The following ATMIN variants were observed in gnomAD, a reference collection of about 807,000 sequenced individuals.
ATMIN encodes ATM INteracting protein.
Under a neutral mutation model 49.2 loss-of-function variants are expected in ATMIN, and 24 were observed. The ratio of observed to expected loss-of-function variants is 0.49; its 90% CI spans 0.35 to 0.69. ATMIN has a LOEUF of 0.69. Among genes scored for constraint, ATMIN ranks in the 30% least tolerant of loss-of-function variants. ATMIN has a pLI of 0.00. For missense variants in ATMIN, 1,037 were observed against 1,005.5 expected (o/e 1.03, Z -0.42); for synonymous variants, 450 against 392.5 (o/e 1.15, Z -1.73).
At chr16:81,036,330 A>ACCGGCCTCTGCCCTCC (rs1970932389) in intron 1 of ATMIN, 124 bp downstream of exon 1, 1 of 936,630 alleles carries the variant, frequency 1.1e-6, no homozygotes, top group Admixed American at 5.5e-5. Flanking sequence ...CCGCTGCCCC[A>ACCGGCCTCTGCCCTCC]CCGGCCTCTG....
intron 1 of ATMIN, 91 bp downstream of exon 1, chr16:81,036,297 GA>G: frequency 1.8e-6 from 2 of 1,083,292 alleles, no homozygotes; most frequent in South Asian, 4.3e-5. Flanking sequence ...TCGGGGGGAC[GA>G]GCGCCCTGCG....
intron 1 of ATMIN, 57 bp downstream of exon 1, chr16:81,036,263 C>A (rs1442417212): frequency 8.5e-7 from 1 of 1,174,206 alleles, no homozygotes; most frequent in Non-Finnish European, 1.0e-6. Flanking sequence ...ACAAAGCGCC[C>A]GGCGCCGGCG....
Position 81,044,401 on chromosome 16 carries a change from G to A in ATMIN, c.1903G>A (p.Asp635Asn), listed in dbSNP as rs776115480. The A allele has an allele frequency of 1.4e-5, 22 of 1,613,920 alleles. No individual in the cohort carries two copies. The highest frequency in any genetic ancestry group is 3.3e-5 in the Admixed American group (2 of 59,986). The change falls in exon 4 of 4, where the codon GAT (aspartate) becomes AAT (asparagine). Residue 635 changes from aspartate (D) to asparagine (N), a missense_variant. By Grantham distance (23) the Asp-to-Asn change is conservative. Coordinates refer to ENST00000299575, the MANE Select transcript of ATMIN (RefSeq NM_015251.3). ...PSGPAQNPGI[D>N]FDIEEFFSAS... ...TGGCCCAGCCCAGAACCCCGGAATCGATTTTGATATCGAAGAGTTCTTTTC... is the reference window on the plus strand; with the variant it reads ...TGGCCCAGCCCAGAACCCCGGAATCAATTTTGATATCGAAGAGTTCTTTTC...
At position 81,044,711 on chromosome 16, in the gene ATMIN, C is replaced by A. The variant is rs1971090801; in HGVS notation, c.2213C>A (p.Thr738Lys). The A allele has an allele frequency of 6.2e-7, 1 of 1,614,198 alleles. No individual in the cohort carries two copies. Among genetic ancestry groups the A allele is most frequent in the African/African-American group, 1.3e-5 (1 of 75,048 alleles). Residue 738 changes from threonine (T) to lysine (K), a missense_variant, in exon 4 of 4, where the codon ACA becomes AAA. Thr to Lys is a moderately conservative substitution (Grantham distance 78). Coordinates refer to ENST00000299575, the MANE Select transcript of ATMIN (RefSeq NM_015251.3). ...SFSVSTDSSD[T>K]ETQTEGVSTA... ...TCCGTGAGTACTGATTCATCTGACA[C>A]AGAGACCCAAACTGAAGGAGTCTCC...
chr16:81,041,766 C>T (rs567163169), intron 2 of ATMIN: 142 of 281,504 alleles, frequency 5.0e-4, no homozygotes, highest in Admixed American at 7.6e-4. Flanking sequence ...CTGTGTGAGT[C>T]TGCATACCTC....
intron 3 of ATMIN, 116 bp downstream of exon 3, chr16:81,042,596 C>T (rs978186667): frequency 1.3e-5 from 14 of 1,104,216 alleles, no homozygotes; most frequent in East Asian, 7.8e-5. Flanking sequence ...AAATGTGTGA[C>T]GTGGAAGAAG....
chr16:81,039,781 T>G (rs950453414), intron 1 of ATMIN, among the ~76,000 whole-genome samples: 4 of 152,148 alleles, frequency 2.6e-5, no homozygotes, highest in Non-Finnish European at 5.9e-5. Flanking sequence ...GCTTAGAGGA[T>G]TTTGTGTTAT....
chr16:81,041,813 C>G (rs970925047), intron 2 of ATMIN: 1 of 225,060 alleles, frequency 4.4e-6, no homozygotes, highest in African/African-American at 2.3e-5. Context: ...GAACTGTTCT[C>G]CCAGGGGAAT....
chr16:81,043,544 G>T lies in ATMIN; in HGVS notation c.1046G>T (p.Gly349Val), dbSNP rs748750629. Residue 349 changes from glycine to valine, a missense_variant, in exon 4 of 4, where the codon GGA becomes GTA. By Grantham distance (109) the Gly-to-Val change is moderately radical. Coordinates refer to ENST00000299575, the MANE Select transcript of ATMIN (RefSeq NM_015251.3). Reference protein sequence around the residue: ...GAVHLMPLSVGTLILGLDSEA... With the variant: ...GAVHLMPLSVVTLILGLDSEA... Reference sequence around the variant, plus strand: ...GTGCACTTAATGCCCTTGTCAGTAGGAACCCTGATCCTCGGCCTAGATTCA... The same window carrying T: ...GTGCACTTAATGCCCTTGTCAGTAGTAACCCTGATCCTCGGCCTAGATTCA... 1 of 1,614,070 alleles carries T rather than the reference G, an allele frequency of 6.2e-7. No individual in the cohort carries two copies. Among genetic ancestry groups the T allele is most frequent in the Non-Finnish European group, 8.5e-7 (1 of 1,180,038 alleles).
At chr16:81,041,202 C>T in intron 1 of ATMIN, 154 bp from the exon 2 acceptor site, 1 of 766,492 alleles carries the variant, frequency 1.3e-6, no homozygotes, top group Non-Finnish European at 2.1e-6. Context: ...TTAATCTACT[C>T]ATACTCTTTT....
chr16:81,043,238 T>C lies in ATMIN; in HGVS notation c.740T>C (p.Leu247Ser), dbSNP rs771169915. The C allele has an allele frequency of 4.3e-6, 7 of 1,613,966 alleles. No homozygotes were observed. In the East Asian group the frequency reaches 1.6e-4, roughly 36 times the overall value. ...QKLSNKTIES[L>S]NNQPIPRPDT... Reference sequence around the variant, plus strand: ...TTATCCAACAAGACCATTGAATCATTGAACAACCAACCAATCCCTAGACCA... The same window carrying C: ...TTATCCAACAAGACCATTGAATCATCGAACAACCAACCAATCCCTAGACCA... Residue 247 changes from leucine (L) to serine (S), a missense_variant, in exon 4 of 4, where the codon TTG (leucine) becomes TCG (serine). By Grantham distance (145) the Leu-to-Ser change is moderately radical (BLOSUM62 -2). Transcript: ENST00000299575.
intron 1 of ATMIN, chr16:81,037,493 G>C (rs902488729): frequency 1.0e-6 from 1 of 985,336 alleles, no homozygotes; most frequent in Non-Finnish European, 1.2e-6. Flanking sequence ...GAGGAAGACC[G>C]TGCAGGTGGG....
In ATMIN at chr16:81,035,936, C is replaced by T. The variant is rs2151734797; in HGVS notation, c.66C>T (p.Val22=). The change falls in exon 1 of 4, where the codon GTC becomes GTT. Residue 22 remains valine (V), a synonymous_variant. Coordinates refer to ENST00000299575, the MANE Select transcript of ATMIN (RefSeq NM_015251.3). ...SAALAAGARA[V]PAATTGAAAA... ...CTCTGGCGGCGGGTGCCCGGGCCGT[C>T]CCGGCGGCCACGACAGGAGCCGCCG... is the stretch of plus-strand genomic sequence containing the variant. 1 of 998,442 alleles carries T rather than the reference C, an allele frequency of 1.0e-6. No individual in the cohort carries two copies. The highest frequency in any genetic ancestry group is 1.2e-6 in the Non-Finnish European group (1 of 839,968). 61.8% of individuals were successfully genotyped at this position (998,442 alleles called of 1,614,324 possible). A position where few individuals can be genotyped will look rare whatever the true frequency, so the allele number is the denominator to read the frequency against.
intron 1 of ATMIN, 54 bp from the exon 2 acceptor site, chr16:81,041,302 G>C (rs1260522546): frequency 1.3e-6 from 2 of 1,559,134 alleles, no homozygotes; most frequent in Non-Finnish European, 8.7e-7. Flanking sequence ...TTCCACTCCA[G>C]CCTGTTGTGT....
chr16:81,044,920 T>C lies in ATMIN; in HGVS notation c.2422T>C (p.Ser808Pro). 2 of 1,614,044 alleles carry C rather than the reference T, an allele frequency of 1.2e-6. No homozygotes were observed. Among genetic ancestry groups the C allele is most frequent in the Non-Finnish European group, 1.7e-6 (2 of 1,179,922 alleles). The change falls in exon 4 of 4, where the codon TCT (serine) becomes CCT (proline). Residue 808 changes from serine (S) to proline (P), a missense_variant. By Grantham distance (74) the Ser-to-Pro change is moderately conservative. Transcript: ENST00000299575. ...GAACACGATGGAGTCTCAGTTCAGCTCTGTAGAAACCCAGACTTCTGCGGA... is the reference window on the plus strand; with the variant it reads ...GAACACGATGGAGTCTCAGTTCAGCCCTGTAGAAACCCAGACTTCTGCGGA... ...AWNTMESQFS[S>P]VETQTSAEPH...
intron 1 of ATMIN, among the ~76,000 whole-genome samples, chr16:81,040,217 C>G (rs1381162466): frequency 6.6e-6 from 1 of 152,178 alleles, no homozygotes; most frequent in East Asian, 1.9e-4. Context: ...CACTTTCTCA[C>G]TGCACTTCCA....
At position 81,044,521 on chromosome 16, in the gene ATMIN, G is replaced by A; in HGVS notation, c.2023G>A (p.Asp675Asn). ...LESLDIETQT[D>N]FLLADTSAQS... is the part of the protein sequence containing the mutation. ...GTCACTGGACATAGAGACTCAAACG[G>A]ACTTCTTACTCGCAGATACCTCTGC... Residue 675 changes from aspartate to asparagine, a missense_variant, in exon 4 of 4, where the codon GAC (aspartate) becomes AAC (asparagine). Physicochemically the swap from Asp to Asn is conservative, Grantham distance 23. Coordinates refer to ENST00000299575, the MANE Select transcript of ATMIN (RefSeq NM_015251.3). 6.2e-7 allele frequency: 1 copy of A among 1,614,026 alleles called. No individual in the cohort carries two copies. The highest frequency in any genetic ancestry group is 1.1e-5 in the South Asian group (1 of 91,052).
chr16:81,043,380 G>T lies in ATMIN; in HGVS notation c.882G>T (p.Leu294Phe). The T allele has an allele frequency of 6.2e-7, 1 of 1,613,932 alleles. No individual in the cohort carries two copies. The highest frequency in any genetic ancestry group is 1.1e-5 in the South Asian group (1 of 91,056). ...CACCACCGAGATATCCTCAGAAGTTGCTTTTACCAAAGCCCAAAGTGGCTT... is the reference window on the plus strand; with the variant it reads ...CACCACCGAGATATCCTCAGAAGTTTCTTTTACCAAAGCCCAAAGTGGCTT... The part of the protein sequence containing the change: ...LTTPPRYPQK[L>F]LLPKPKVALV... Residue 294 changes from leucine to phenylalanine, a missense_variant, in exon 4 of 4, where the codon TTG becomes TTT. Physicochemically the swap from Leu to Phe is conservative, Grantham distance 22 (BLOSUM62 0). Coordinates refer to ENST00000299575, the MANE Select transcript of ATMIN (RefSeq NM_015251.3).
intron 1 of ATMIN, among the ~76,000 whole-genome samples, chr16:81,036,669 C>A (rs1213297092): frequency 6.6e-6 from 1 of 152,188 alleles, no homozygotes; most frequent in Non-Finnish European, 1.5e-5. Context: ...ACAATGCCGC[C>A]CTTGGGTCCT....
Sources: allele counts gnomAD v4.1 joint callset (sites outside exome capture counted in the v4.1 genomes callset), GRCh38; gene constraint gnomAD v4.1.1; transcripts MANE v1.5; gene names NCBI Gene and HGNC (gene_info 2026-07-23, HGNC 2026-07-21).